CRB2: variants seen among roughly 807,000 people sequenced by gnomAD.
CRB2 encodes protein crumbs homolog 2.
Under a neutral mutation model 110.9 loss-of-function variants are expected in CRB2, and 85 were observed. That is an observed-to-expected ratio of 0.77 (90% CI 0.64 to 0.92). The LOEUF (loss-of-function observed/expected upper bound fraction) is 0.92, where lower values mean the gene tolerates loss of function less well. Ranked by LOEUF, CRB2 falls within the 40% of genes least tolerant of loss-of-function variation. The probability of loss-of-function intolerance (pLI) is 0.00; values close to 1 mark genes in which losing one functional copy is unlikely to be tolerated. For synonymous variants in CRB2, 907 were observed against 831.0 expected, an observed-to-expected ratio of 1.09 and a Z score of -1.57; for missense variants, 1,843 against 1,851.3, an observed-to-expected ratio of 1.00 and a Z score of 0.08.
intron 6 of CRB2, among the ~76,000 whole-genome samples, chr9:123,369,471 C>T (rs774721150): frequency 2.0e-5 from 3 of 152,014 alleles, no homozygotes; most frequent in Non-Finnish European, 2.9e-5. Context: ...AGCCTCTGGG[C>T]CCTTTGAGTT....
Position 123,373,306 on chromosome 9 carries a change from C to G in CRB2, c.2775C>G (p.Arg925=). ...GALEGVWLAV[R]NGSLAGGVRG... The stretch of plus-strand genomic sequence containing the variant: ...TGGAAGGCGTGTGGCTGGCGGTGCG[C>G]AATGGCTCGCTGGCGGGGGGCGTGC... Residue 925 remains arginine (R), a synonymous_variant, in exon 10 of 13, where the codon CGC becomes CGG. Coordinates refer to ENST00000373631, the MANE Select transcript of CRB2 (RefSeq NM_173689.7). The G allele has an allele frequency of 6.8e-7, 1 of 1,465,406 alleles. No individual in the cohort carries two copies. Among genetic ancestry groups the G allele is most frequent in the Non-Finnish European group, 8.9e-7 (1 of 1,117,602 alleles). The allele number at this position is 1,465,406 out of a possible 1,614,324, so 90.8% of individuals were successfully genotyped here.
At chr9:123,355,682 G>T (rs544391689), upstream of CRB2, among the ~76,000 whole-genome samples, 1 of 145,440 alleles carries the variant, frequency 6.9e-6, no homozygotes. Context: ...TGGGCTGCCC[G>T]ATGGGAGGTG....
In CRB2 at chr9:123,376,915, C is replaced by G; in HGVS notation, c.3711C>G (p.Leu1237=). 6.2e-7 allele frequency: 1 copy of G among 1,608,518 alleles called. No homozygotes were observed. Among genetic ancestry groups the G allele is most frequent in the African/African-American group, 1.3e-5 (1 of 75,024 alleles). ...CAGCCTGTGCCTGCCTCCTCCTCCT[C>G]CTCCTGGGCCTCCTTTCAGGGATCC... ...VPAACACLLL[L]LLGLLSGILA... The change falls in exon 13 of 13, where the codon CTC becomes CTG. Residue 1237 remains leucine, a synonymous_variant. Transcript: ENST00000373631.
In CRB2 at chr9:123,377,095, G is replaced by A; in HGVS notation, c.*33G>A. 6.7e-7 allele frequency: 1 copy of A among 1,488,828 alleles called. No homozygotes were observed. The highest frequency in any genetic ancestry group is 9.0e-7 in the Non-Finnish European group (1 of 1,114,392). 92.2% of individuals were successfully genotyped at this position (1,488,828 alleles called of 1,614,324 possible). On this transcript the variant is annotated 3_prime_UTR_variant, in exon 13 of 13. Transcript: ENST00000373631. ...TGGCTGCTGGCACCAGCACCTGGAG[G>A]TCCTGAATGGTTTCTACCTGGAGAC... is the stretch of plus-strand genomic sequence containing the variant.
chr9:123,373,404 G>A lies in CRB2; in HGVS notation c.2873G>A (p.Arg958His), dbSNP rs1377060593. ...GPRVADGAWHRVRLAMERPAA... is the reference protein window; with the variant it reads ...GPRVADGAWHHVRLAMERPAA... ...CGCGTGGCCGATGGTGCCTGGCACC[G>A]CGTGCGTCTGGCCATGGAGCGCCCG... The change falls in exon 10 of 13, where the codon CGC becomes CAC. Residue 958 changes from arginine to histidine, a missense_variant. Physicochemically the swap from Arg to His is conservative, Grantham distance 29. Coordinates refer to ENST00000373631, the MANE Select transcript of CRB2 (RefSeq NM_173689.7). 1.4e-6 allele frequency: 2 copies of A among 1,442,690 alleles called. No homozygotes were observed. The highest frequency in any genetic ancestry group is 1.3e-5 in the South Asian group (1 of 74,294). 89.4% of individuals were successfully genotyped at this position (1,442,690 alleles called of 1,614,324 possible).
rs781689148 is a variant in CRB2, at chr9:123,370,346, T to C, written c.1293T>C (p.His431=). The part of the protein sequence containing the change: ...SYVCHCPPGT[H]GPFCGQNTTF... The stretch of plus-strand genomic sequence containing the variant: ...TCTGCCACTGCCCACCTGGTACCCA[T>C]GGACCGTTCTGTGGCCAGAATACCA... Residue 431 remains histidine, a synonymous_variant, in exon 7 of 13, where the codon CAT becomes CAC. Coordinates refer to ENST00000373631, the MANE Select transcript of CRB2 (RefSeq NM_173689.7). 2.5e-6 allele frequency: 4 copies of C among 1,613,688 alleles called. No homozygotes were observed. The highest frequency in any genetic ancestry group is 2.7e-5 in the African/African-American group (2 of 74,924).
chr9:123,358,676 G>A (rs2041827137), intron 1 of CRB2, among the ~76,000 whole-genome samples: 1 of 152,224 alleles, frequency 6.6e-6, no homozygotes, highest in Admixed American at 6.5e-5. Flanking sequence ...GGAGGTAAAC[G>A]AGGCCCAGAG....
upstream of CRB2, among the ~76,000 whole-genome samples, chr9:123,355,826 G>T (rs1032767912): frequency 6.6e-6 from 1 of 151,668 alleles, no homozygotes; most frequent in Non-Finnish European, 1.5e-5. Context: ...AGAGAGGCCC[G>T]GGCTGGAGAG....
At chr9:123,378,868 G>A (rs1420823283), downstream of CRB2, 1 of 136,148 alleles carries the variant, frequency 7.3e-6, no homozygotes, top group African/African-American at 2.7e-5. Flanking sequence ...AGGCTGGAGT[G>A]CAGTGGCGAG....
In CRB2 at chr9:123,375,305, T is replaced by G; in HGVS notation, c.3595T>G (p.Cys1199Gly). 1 of 1,609,742 alleles carries G rather than the reference T, an allele frequency of 6.2e-7. No individual in the cohort carries two copies. The highest frequency in any genetic ancestry group is 8.5e-7 in the Non-Finnish European group (1 of 1,177,736). The change falls in exon 12 of 13, where the codon TGC (cysteine) becomes GGC (glycine). Residue 1199 changes from cysteine (C) to glycine (G), a missense_variant. Physicochemically the swap from Cys to Gly is radical, Grantham distance 159 (BLOSUM62 -3). Coordinates refer to ENST00000373631, the MANE Select transcript of CRB2 (RefSeq NM_173689.7). ...RAAGGVSECI[C>G]NARFSGQFCE... is the part of the protein sequence containing the mutation. ...AGCTGGAGGGGTGTCTGAATGTATC[T>G]GCAATGCCAGATTCTCCGGCCAGTT...
rs751102250 is a variant in CRB2 at position 123,362,976 on chromosome 9, G to A, written c.206G>A (p.Arg69Gln). The A allele has an allele frequency of 2.2e-5, 35 of 1,611,784 alleles. No homozygotes were observed. The highest frequency in any genetic ancestry group is 2.7e-5 in the Non-Finnish European group (32 of 1,179,222). Reference sequence around the variant, plus strand: ...TATACCTGTGGGCCCATGGAGCCCCGGGGCTGTGCCACCCAGCCATGCCAC... The same window carrying A: ...TATACCTGTGGGCCCATGGAGCCCCAGGGCTGTGCCACCCAGCCATGCCAC... ...GGYTCGPMEP[R>Q]GCATQPCHHG... Residue 69 changes from arginine to glutamine, a missense_variant, in exon 2 of 13, where the codon CGG becomes CAG. By Grantham distance (43) the Arg-to-Gln change is conservative. Transcript: ENST00000373631.
intron 2 of CRB2, 120 bp from the exon 3 acceptor site, chr9:123,365,797 C>G (rs1343938576): frequency 5.5e-6 from 5 of 907,432 alleles, no homozygotes; most frequent in Non-Finnish European, 7.8e-6. Context: ...ACCACCACCA[C>G]CATCCGGCTC....
upstream of CRB2, among the ~76,000 whole-genome samples, chr9:123,355,228 C>T (rs2041784822): frequency 6.6e-6 from 1 of 152,186 alleles, no homozygotes; most frequent in Admixed American, 6.5e-5. Context: ...CTCCTCCTGT[C>T]CACCCCAACA....
At position 123,373,495 on chromosome 9, in the gene CRB2, C is replaced by T. The variant is rs2132791554; in HGVS notation, c.2964C>T (p.Gly988=). The T allele has an allele frequency of 6.9e-7, 1 of 1,458,554 alleles. No homozygotes were observed. The highest frequency in any genetic ancestry group is 9.0e-7 in the Non-Finnish European group (1 of 1,115,356). The allele number at this position is 1,458,554 out of a possible 1,614,324, so 90.4% of individuals were successfully genotyped here. A position where few individuals can be genotyped will look rare whatever the true frequency, so the allele number is the denominator to read the frequency against. ...DGAATPVALR[G]LASDLGFLQG... ...CCGCCACCCCGGTGGCGCTGCGCGG[C>T]CTGGCCAGTGACCTGGGCTTCCTGC... is the stretch of plus-strand genomic sequence containing the variant. The change falls in exon 10 of 13, where the codon GGC becomes GGT. Residue 988 remains glycine, a synonymous_variant. Transcript: ENST00000373631.
Position 123,370,343 on chromosome 9 carries a change from C to G in CRB2, c.1290C>G (p.Thr430=). Reference sequence around the variant, plus strand: ...ACGTCTGCCACTGCCCACCTGGTACCCATGGACCGTTCTGTGGCCAGAATA... The same window carrying G: ...ACGTCTGCCACTGCCCACCTGGTACGCATGGACCGTTCTGTGGCCAGAATA... ...HSYVCHCPPG[T]HGPFCGQNTT... Residue 430 remains threonine, a synonymous_variant, in exon 7 of 13, where the codon ACC becomes ACG. Coordinates refer to ENST00000373631, the MANE Select transcript of CRB2 (RefSeq NM_173689.7). 6.2e-7 allele frequency: 1 copy of G among 1,613,852 alleles called. No individual in the cohort carries two copies. Among genetic ancestry groups the G allele is most frequent in the Non-Finnish European group, 8.5e-7 (1 of 1,180,042 alleles).
chr9:123,372,108 G>A (rs927453459), intron 8 of CRB2, 69 bp from the exon 9 acceptor site: 32 of 1,507,954 alleles, frequency 2.1e-5, no homozygotes, highest in Non-Finnish European at 2.2e-5. Flanking sequence ...AAGAAGCACT[G>A]CAATGCCAGT....
At position 123,366,326 on chromosome 9, in the gene CRB2, C is replaced by T. The variant is rs1588209146; in HGVS notation, c.714C>T (p.Cys238=). The T allele has an allele frequency of 6.5e-7, 1 of 1,541,416 alleles. No individual in the cohort carries two copies. Among genetic ancestry groups the T allele is most frequent in the South Asian group, 1.2e-5 (1 of 83,202 alleles). ...ASAPCEHNAS[C]LEGLGSFRCL... The stretch of plus-strand genomic sequence containing the variant: ...CGCCCTGCGAGCACAACGCGTCCTG[C>T]CTCGAGGGCCTCGGGAGCTTCCGCT... The change falls in exon 4 of 13, where the codon TGC becomes TGT. Residue 238 remains cysteine (C), a synonymous_variant. Coordinates refer to ENST00000373631, the MANE Select transcript of CRB2 (RefSeq NM_173689.7).
upstream of CRB2, among the ~76,000 whole-genome samples, chr9:123,354,713 A>G (rs939455099): frequency 5.3e-5 from 8 of 152,194 alleles, no homozygotes; most frequent in African/African-American, 1.9e-4. Flanking sequence ...CCCAGAAACC[A>G]AGGGGCAATC....
In CRB2 at chr9:123,377,186, G is replaced by A. The variant is rs2042116224; in HGVS notation, c.*124G>A. The A allele has an allele frequency of 2.4e-6, 2 of 847,310 alleles. No homozygotes were observed. The highest frequency in any genetic ancestry group is 2.7e-5 in the East Asian group (1 of 36,722). 52.5% of individuals were successfully genotyped at this position (847,310 alleles called of 1,614,324 possible). A position where few individuals can be genotyped will look rare whatever the true frequency, so the allele number is the denominator to read the frequency against. On this transcript the variant is annotated 3_prime_UTR_variant, in exon 13 of 13. Coordinates refer to ENST00000373631, the MANE Select transcript of CRB2 (RefSeq NM_173689.7). ...AGTGTCCCCTTGGCTGGCAGCCTCT[G>A]CCTCTGCCTCTGCCCCATCCTGGAT...
Sources: allele counts gnomAD v4.1 joint callset (sites outside exome capture counted in the v4.1 genomes callset), GRCh38; gene constraint gnomAD v4.1.1; transcripts MANE v1.5; gene names NCBI Gene and HGNC (gene_info 2026-07-23, HGNC 2026-07-21).